The following SLC5A10 variants were observed in gnomAD, a reference collection of about 807,000 sequenced individuals.
The protein encoded by SLC5A10 is sodium/mannose cotransporter SLC5A10.
In SLC5A10, 55 loss-of-function variants were observed where a neutral mutation model predicts 68.9. The observed-to-expected ratio is 0.80, with a 90% CI of 0.64 to 1.00. The LOEUF (loss-of-function observed/expected upper bound fraction) is 1.00, where lower values mean the gene tolerates loss of function less well. SLC5A10 is among the 50% of genes least tolerant of loss of function. SLC5A10 has a pLI of 0.00. For synonymous variants in SLC5A10, 344 were observed against 344.8 expected, an observed-to-expected ratio of 1.00 and a Z score of 0.02; for missense variants, 732 against 819.3, an observed-to-expected ratio of 0.89 and a Z score of 1.30.
Position 19,004,369 on chromosome 17 carries a change from C to G in SLC5A10, c.983-9041C>G. ...ACAGCGGTGAGGGAGCGGTGGGCCACGTCCCAGGGCTCAGCGTGCCTCTAC... is the reference window on the plus strand; with the variant it reads ...ACAGCGGTGAGGGAGCGGTGGGCCAGGTCCCAGGGCTCAGCGTGCCTCTAC... On this transcript the variant is annotated intron_variant, in intron 9 of 14. Transcript: ENST00000395645. The surrounding 1 kb of genome is among the most constrained non-coding windows in gnomAD (Gnocchi z 5.4). The G allele has an allele frequency of 4.0e-6, 1 of 248,518 alleles. No individual in the cohort carries two copies. Among genetic ancestry groups the G allele is most frequent in the Non-Finnish European group, 7.6e-6 (1 of 131,228 alleles). 15.4% of individuals were successfully genotyped at this position (248,518 alleles called of 1,614,324 possible). A position where few individuals can be genotyped will look rare whatever the true frequency, so the allele number is the denominator to read the frequency against.
intron 9 of SLC5A10, among the ~76,000 whole-genome samples, chr17:19,001,738 G>A (rs1053997225): frequency 3.3e-5 from 5 of 152,212 alleles, no homozygotes; most frequent in Non-Finnish European, 7.3e-5. Context: ...GACTCAGGGA[G>A]GAACCTGGGG....
At position 18,999,607 on chromosome 17, in the gene SLC5A10, G is replaced by A. The variant is rs547210159; in HGVS notation, c.983-13803G>A. 2.0e-4 allele frequency among the ~76,000 whole-genome samples: 30 copies of A among 152,346 alleles called. No homozygotes were observed. In the South Asian group the frequency reaches 3.1e-3, roughly 16 times the overall value. Reference sequence around the variant, plus strand: ...GTAAAGTGCCCGCTCAGCACCTGGCGCGGGGCTGGCATTTAGTAAGCACCT... The same window carrying A: ...GTAAAGTGCCCGCTCAGCACCTGGCACGGGGCTGGCATTTAGTAAGCACCT... On this transcript the variant is annotated intron_variant, in intron 9 of 14. Transcript: ENST00000395645.
At chr17:18,963,199 A>C (rs530864537) in intron 5 of SLC5A10, among the ~76,000 whole-genome samples, 1 of 152,352 alleles carries the variant, frequency 6.6e-6, no homozygotes, top group African/African-American at 2.4e-5. Flanking sequence ...GGCAGAGGGA[A>C]GAGTTCAGTG....
chr17:18,981,361 G>A (rs1440727359), intron 9 of SLC5A10, among the ~76,000 whole-genome samples: 4 of 152,138 alleles, frequency 2.6e-5, no homozygotes, highest in East Asian at 1.9e-4. Context: ...GAGCAGGGGC[G>A]GGCTCCTGGT....
Position 19,004,120 on chromosome 17 carries a change from G to T in SLC5A10, c.983-9290G>T. On this transcript the variant is annotated intron_variant, in intron 9 of 14. Coordinates refer to ENST00000395645, the MANE Select transcript of SLC5A10 (RefSeq NM_001042450.4). The surrounding 1 kb of genome is among the most constrained non-coding windows in gnomAD (Gnocchi z 5.4). ...CTAGCTCCGGCCCAGCTGGGGCACC[G>T]CGCGCTCGGGGGCCTCTCCGCGGCC... 1 of 1,413,132 alleles carries T rather than the reference G, an allele frequency of 7.1e-7. No individual in the cohort carries two copies. The highest frequency in any genetic ancestry group is 1.4e-5 in the South Asian group (1 of 72,162). The allele number at this position is 1,413,132 out of a possible 1,614,324, so 87.5% of individuals were successfully genotyped here. A position where few individuals can be genotyped will look rare whatever the true frequency, so the allele number is the denominator to read the frequency against.
rs772441687 is a variant in SLC5A10, at chr17:18,969,147, C to T, written c.549C>T (p.Tyr183=). Reference sequence around the variant, plus strand: ...TCACGCTCGGCATCACAGCCCTGTACACCATCGCAGGTATGGTGCCTGCAG... The same window carrying T: ...TCACGCTCGGCATCACAGCCCTGTATACCATCGCAGGTATGGTGCCTGCAG... ...TILTLGITAL[Y]TIAGGLAAVI... The change falls in exon 6 of 15, where the codon TAC becomes TAT. Residue 183 remains tyrosine, a synonymous_variant. Transcript: ENST00000395645. 5.5e-5 allele frequency: 88 copies of T among 1,613,882 alleles called. No individual in the cohort carries two copies. The highest frequency in any genetic ancestry group is 3.7e-4 in the South Asian group (34 of 91,044).
Position 19,017,718 on chromosome 17 carries a change from G to A in SLC5A10, c.1242-1705G>A. ...CCGTAAATGGGGCCCACAGCCTCCT[G>A]GAAACCCTGTGCAGGACTCGGAGAG... On this transcript the variant is annotated intron_variant, in intron 11 of 14. Coordinates refer to ENST00000395645, the MANE Select transcript of SLC5A10 (RefSeq NM_001042450.4). The surrounding 1 kb of genome is among the most constrained non-coding windows in gnomAD (Gnocchi z 5.6). 1 of 299,076 alleles carries A rather than the reference G, an allele frequency of 3.3e-6. No homozygotes were observed. The highest frequency in any genetic ancestry group is 6.4e-6 in the Non-Finnish European group (1 of 156,036). The allele number at this position is 299,076 out of a possible 1,614,324, so 18.5% of individuals were successfully genotyped here. A position where few individuals can be genotyped will look rare whatever the true frequency, so the allele number is the denominator to read the frequency against.
intron 5 of SLC5A10, among the ~76,000 whole-genome samples, chr17:18,962,524 G>A (rs1333732972): frequency 2.6e-5 from 4 of 152,188 alleles, no homozygotes; most frequent in East Asian, 1.9e-4. Context: ...CAACAGGCCC[G>A]TGTGCCACAT....
intron 1 of SLC5A10, chr17:18,953,767 G>A (rs1211445024): frequency 6.5e-6 from 1 of 152,674 alleles, no homozygotes; most frequent in African/African-American, 2.4e-5. Flanking sequence ...ACACCAACAT[G>A]ATGCTCAAAG....
Position 19,000,333 on chromosome 17 carries a change from G to GC in SLC5A10, c.983-13073dup. Among the ~76,000 whole-genome samples, 1 of 152,202 alleles carries GC rather than the reference G, an allele frequency of 6.6e-6. No individual in the cohort carries two copies. ...GCAGCAAGGTGTCAGGGCTGAAGGG[G>GC]CCCCTAACAGTCTTCAATACCTGTT... On this transcript the variant is annotated intron_variant, in intron 9 of 14. Transcript: ENST00000395645. This position sits in a 1 kb window ranked among gnomAD's most constrained non-coding sequence, Gnocchi z 5.2.
At chr17:19,020,124 C>A (rs1247634207) in intron 13 of SLC5A10, 31 bp from the exon 14 acceptor site, 6 of 1,594,804 alleles carry the variant, frequency 3.8e-6, no homozygotes, top group East Asian at 4.5e-5. Context: ...CATCCCCCAC[C>A]CCCAACCCTA....
intron 9 of SLC5A10, among the ~76,000 whole-genome samples, chr17:18,982,276 G>A (rs1212313736): frequency 6.6e-6 from 1 of 152,018 alleles, no homozygotes; most frequent in African/African-American, 2.4e-5. Context: ...GCAGGTGGGG[G>A]CCTGCAGCAG....
chr17:18,952,244 G>A lies in SLC5A10; in HGVS notation c.39G>A (p.Gly13=). Residue 13 remains glycine, a synonymous_variant, in exon 1 of 15, where the codon GGG becomes GGA. Transcript: ENST00000395645. ...ANSTSDLHTP[G]TQLSVADIIV... is the part of the protein sequence containing the mutation. Reference sequence around the variant, plus strand: ...CCACCAGCGACCTCCACACTCCCGGGACGCAGCTGAGCGTGGCTGACATCA... The same window carrying A: ...CCACCAGCGACCTCCACACTCCCGGAACGCAGCTGAGCGTGGCTGACATCA... 2 of 1,613,926 alleles carry A rather than the reference G, an allele frequency of 1.2e-6. No individual in the cohort carries two copies. Among genetic ancestry groups the A allele is most frequent in the Non-Finnish European group, 1.7e-6 (2 of 1,179,922 alleles).
intron 9 of SLC5A10, among the ~76,000 whole-genome samples, chr17:19,006,984 T>C (rs1043639301): frequency 2.6e-5 from 4 of 151,500 alleles, no homozygotes; most frequent in Non-Finnish European, 4.4e-5. Context: ...AATAACCTTG[T>C]TATGAGCATT....
chr17:19,021,743 A>C lies in SLC5A10; in HGVS notation c.*1312A>C, dbSNP rs2044267493. On this transcript the variant is annotated 3_prime_UTR_variant, in exon 15 of 15. Coordinates refer to ENST00000395645, the MANE Select transcript of SLC5A10 (RefSeq NM_001042450.4). This position sits in a 1 kb window ranked among gnomAD's most constrained non-coding sequence, Gnocchi z 4.1. Reference sequence around the variant, plus strand: ...GGCAGCCAATGGAAAGCAACCAGCCAGGAAGCCCCGGAGCTACCCTTGCTG... The same window carrying C: ...GGCAGCCAATGGAAAGCAACCAGCCCGGAAGCCCCGGAGCTACCCTTGCTG... 1 of 418,246 alleles carries C rather than the reference A, an allele frequency of 2.4e-6. No homozygotes were observed. Among genetic ancestry groups the C allele is most frequent in the East Asian group, 3.6e-5 (1 of 28,152 alleles). The allele number at this position is 418,246 out of a possible 1,614,324, so 25.9% of individuals were successfully genotyped here.
chr17:18,959,365 T>C, intron 3 of SLC5A10, 126 bp downstream of exon 3: 2 of 1,027,654 alleles, frequency 1.9e-6, no homozygotes, highest in South Asian at 1.4e-5. Context: ...TGCAGTGCTG[T>C]TCCTGGGCCA....
chr17:19,020,584 G>A lies in SLC5A10; in HGVS notation c.*153G>A. 1 of 655,104 alleles carries A rather than the reference G, an allele frequency of 1.5e-6. No individual in the cohort carries two copies. Among genetic ancestry groups the A allele is most frequent in the Non-Finnish European group, 2.6e-6 (1 of 388,426 alleles). 40.6% of individuals were successfully genotyped at this position (655,104 alleles called of 1,614,324 possible). A position where few individuals can be genotyped will look rare whatever the true frequency, so the allele number is the denominator to read the frequency against. On this transcript the variant is annotated 3_prime_UTR_variant, in exon 15 of 15. Coordinates refer to ENST00000395645, the MANE Select transcript of SLC5A10 (RefSeq NM_001042450.4). ...AACTGGCCAAGCCAGCAAAGCGGGA[G>A]CCCTGAAAAATTAGGGGGGAAATGG...
In SLC5A10 at chr17:18,970,944, AG is replaced by A. The variant is rs1384957494; in HGVS notation, c.641-63del. The A allele has an allele frequency of 1.2e-5, 17 of 1,467,888 alleles. No individual in the cohort carries two copies. The East Asian group carries it at 2.3e-4, about 20-fold the overall frequency. 90.9% of individuals were successfully genotyped at this position (1,467,888 alleles called of 1,614,324 possible). A position where few individuals can be genotyped will look rare whatever the true frequency, so the allele number is the denominator to read the frequency against. On this transcript the variant is annotated intron_variant, in intron 7 of 14. Transcript: ENST00000395645. ...AGGAAGTTTCTTGTGAGATGAAGGC[AG>A]GGGGGAGCCCAGGGAGTCAGGGCCC...
intron 9 of SLC5A10, among the ~76,000 whole-genome samples, chr17:18,986,642 C>A (rs1351794214): frequency 6.6e-6 from 1 of 152,244 alleles, no homozygotes; most frequent in Non-Finnish European, 1.5e-5. Flanking sequence ...GGCTTCTCTG[C>A]TGAGAAGGGG....
Sources: gnomAD v4.1 joint callset for allele counts (sites outside exome capture counted in the v4.1 genomes callset) on GRCh38, gnomAD v4.1.1 for gene constraint, Gnocchi (gnomAD v3.1) non-coding constraint, MANE v1.5 for transcripts, NCBI Gene and HGNC (gene_info 2026-07-23, HGNC 2026-07-21) for gene names.